CANX: variants seen among roughly 807,000 people sequenced by gnomAD.
CANX encodes the protein epididymis secretory sperm binding protein.
In CANX, 14 loss-of-function variants were observed where a neutral mutation model predicts 75.7. That is an observed-to-expected ratio of 0.19 (90% CI 0.12 to 0.29). The LOEUF is 0.29. CANX is among the 10% of genes least tolerant of loss of function. The probability of loss-of-function intolerance (pLI) is 1.00; values close to 1 mark genes in which losing one functional copy is unlikely to be tolerated. For missense variants in CANX, 567 were observed against 713.2 expected (o/e 0.79, Z 2.34); for synonymous variants, 227 against 236.9 (o/e 0.96, Z 0.38).
chr5:179,681,517 G>A (rs1057233982), intron 1 of CANX, among the ~76,000 whole-genome samples: 3 of 152,160 alleles, frequency 2.0e-5, no homozygotes, highest in Non-Finnish European at 4.4e-5. Context: ...ACTAGCTTCC[G>A]CTTGCTCTCA....
chr5:179,681,027 C>G, intron 1 of CANX: 1 of 972,122 alleles, frequency 1.0e-6, no homozygotes, highest in Non-Finnish European at 1.6e-6. Context: ...AGCTGCTGTC[C>G]CAGGGCTAGT....
At chr5:179,712,974 G>A (rs1248739121) in intron 7 of CANX, among the ~76,000 whole-genome samples, 1 of 150,204 alleles carries the variant, frequency 6.7e-6, no homozygotes, top group African/African-American at 2.5e-5. Context: ...TCACCATGTT[G>A]GCCAGGCTGG....
chr5:179,684,385 T>G (rs534974068), intron 1 of CANX, among the ~76,000 whole-genome samples: 1 of 148,658 alleles, frequency 6.7e-6, no homozygotes, highest in Non-Finnish European at 1.5e-5. Flanking sequence ...GCCCAGCTAG[T>G]AAGCCTTTTT....
intron 6 of CANX, 189 bp from the exon 7 acceptor site, chr5:179,709,684 A>G (rs1777393806): frequency 2.2e-6 from 1 of 463,758 alleles, no homozygotes; most frequent in African/African-American, 2.0e-5. Context: ...AGACACTTAA[A>G]CGTTATTTTA....
chr5:179,724,175 C>G (rs1778493206), intron 12 of CANX, among the ~76,000 whole-genome samples: 1 of 152,118 alleles, frequency 6.6e-6, no homozygotes, highest in African/African-American at 2.4e-5. Context: ...CTTCACCTTC[C>G]CCACTCTCAA....
At chr5:179,711,157 C>T (rs1250367712) in intron 7 of CANX, among the ~76,000 whole-genome samples, 1 of 152,132 alleles carries the variant, frequency 6.6e-6, no homozygotes, top group East Asian at 1.9e-4. Context: ...CGTATGGTGG[C>T]CCACACCTGT....
chr5:179,697,202 G>A (rs1021027541), upstream of CANX, among the ~76,000 whole-genome samples: 17 of 152,128 alleles, frequency 1.1e-4, no homozygotes, highest in Admixed American at 3.9e-4. Context: ...CTGGGTCTAC[G>A]GGTGTGCACC....
At chr5:179,707,295 A>AT in intron 4 of CANX, 105 bp downstream of exon 4, 1 of 751,978 alleles carries the variant, frequency 1.3e-6, no homozygotes, top group Admixed American at 2.0e-5. Flanking sequence ...AGGCTTTAAG[A>AT]TTTTTCCAGC....
At chr5:179,707,729 C>A (rs1021158757) in intron 4 of CANX, among the ~76,000 whole-genome samples, 1 of 149,766 alleles carries the variant, frequency 6.7e-6, no homozygotes, top group Non-Finnish European at 1.5e-5. Flanking sequence ...TGTTTAATCA[C>A]CTGTGCTACT....
chr5:179,700,274 T>C (rs930230356), intron 1 of CANX: 7 of 152,220 alleles, frequency 4.6e-5, no homozygotes, highest in African/African-American at 1.7e-4. Flanking sequence ...CATAGTTAAG[T>C]CTTTTTACCT....
At chr5:179,699,677 G>A (rs1776602642) in intron 1 of CANX, 2 of 152,246 alleles carry the variant, frequency 1.3e-5, no homozygotes, top group Admixed American at 6.5e-5. Context: ...TTCTGGAGGC[G>A]AGTAATCCAG....
chr5:179,713,096 T>C (rs1456424199), intron 7 of CANX, among the ~76,000 whole-genome samples: 2 of 151,870 alleles, frequency 1.3e-5, no homozygotes, highest in Non-Finnish European at 2.9e-5. Context: ...TTTTTCTTTT[T>C]TTTGTGACGG....
intron 11 of CANX, among the ~76,000 whole-genome samples, chr5:179,723,258 C>T (rs561914161): frequency 3.3e-5 from 5 of 151,292 alleles, no homozygotes; most frequent in South Asian, 2.1e-4. Flanking sequence ...GTATATATTT[C>T]GAAATTTGTC....
chr5:179,695,270 A>G (rs1406583063), upstream of CANX, among the ~76,000 whole-genome samples: 2 of 151,920 alleles, frequency 1.3e-5, no homozygotes, highest in Non-Finnish European at 2.9e-5. Flanking sequence ...CGTGTTAGCC[A>G]GGATGGTCTC....
chr5:179,712,151 G>C (rs1777605757), intron 7 of CANX, among the ~76,000 whole-genome samples: 1 of 145,756 alleles, frequency 6.9e-6, no homozygotes, highest in Non-Finnish European at 1.5e-5. Flanking sequence ...GAGCTTTGCT[G>C]ATCTAATTTC....
intron 1 of CANX, among the ~76,000 whole-genome samples, chr5:179,682,514 C>G (rs1409979140): frequency 6.6e-6 from 1 of 151,936 alleles, no homozygotes; most frequent in East Asian, 1.9e-4. Context: ...AGTTTGAGAC[C>G]AGCGTGACCA....
chr5:179,701,616 G>A (rs1428288389), intron 1 of CANX, among the ~76,000 whole-genome samples: 2 of 151,250 alleles, frequency 1.3e-5, no homozygotes, highest in Middle Eastern at 3.4e-3. Context: ...AATAGAATAC[G>A]CCGTTTATAA....
At position 179,729,060 on chromosome 5, in the gene CANX, G is replaced by C; in HGVS notation, c.*416G>C. 4.5e-6 allele frequency: 1 copy of C among 223,452 alleles called. No individual in the cohort carries two copies. Among genetic ancestry groups the C allele is most frequent in the Non-Finnish European group, 9.1e-6 (1 of 109,964 alleles). 13.8% of individuals were successfully genotyped at this position (223,452 alleles called of 1,614,324 possible). ...GAGATGAGTTGCAGTTTTTATAATA[G>C]ATTTTTTTTAAAGTTTGGTATTGTA... On this transcript the variant is annotated 3_prime_UTR_variant, in exon 15 of 15. Transcript: ENST00000247461.
chr5:179,696,436 C>T (rs190593535), upstream of CANX, among the ~76,000 whole-genome samples: 634 of 151,708 alleles, frequency 4.2e-3, 7 homozygotes, highest in African/African-American at 0.015. Flanking sequence ...CCAGTATGCC[C>T]GGCTAATTTT....
Sources: allele counts gnomAD v4.1 joint callset (sites outside exome capture counted in the v4.1 genomes callset), GRCh38; gene constraint gnomAD v4.1.1; transcripts MANE v1.5; gene names NCBI Gene and HGNC (gene_info 2026-07-23, HGNC 2026-07-21).